The following TTN variants were observed in gnomAD, a reference collection of about 807,000 sequenced individuals.
The protein encoded by TTN is titin.
Under a neutral mutation model 3,223.0 loss-of-function variants are expected in TTN, and 1,525 were observed. The observed-to-expected ratio is 0.47, with a 90% CI of 0.45 to 0.49. TTN has a LOEUF of 0.49. TTN is among the 20% of genes least tolerant of loss of function. The pLI is 0.00. For missense variants in TTN, 40,786 were observed against 43,424.0 expected (o/e 0.94, Z 5.40); for synonymous variants, 14,094 against 15,161.0 (o/e 0.93, Z 5.17).
Position 178,531,700 on chromosome 2 carries a change from T to G in TTN, c.104915A>C (p.Glu34972Ala). The G allele has an allele frequency of 6.2e-7, 1 of 1,614,000 alleles. No homozygotes were observed. Among genetic ancestry groups the G allele is most frequent in the East Asian group, 2.2e-5 (1 of 44,880 alleles). ...CACACCATTGTGGTACCATTTAACCTCGGCAGTTGGCTTAGACTGAACATT... is the reference window on the plus strand; with the variant it reads ...CACACCATTGTGGTACCATTTAACCGCGGCAGTTGGCTTAGACTGAACATT... ...ILNVQSKPTA[E>A]VKWYHNGVEL... Residue 34972 changes from glutamate (E) to alanine (A), a missense_variant, in exon 358 of 363, where the codon GAG becomes GCG. Physicochemically the swap from Glu to Ala is moderately radical, Grantham distance 107. Transcript: ENST00000589042.
rs6729746 is a variant in TTN at position 178,784,622 on chromosome 2, G to A, written c.2494-271C>T. On this transcript the variant is annotated intron_variant, in intron 15 of 362. Transcript: ENST00000589042. ...TATTTTACAGCTTTTATCATAAAAG[G>A]ACAGGATCTTCTAAAGCTTAGTCAC... Among the ~76,000 whole-genome samples, 48,774 of 151,956 alleles carry A rather than the reference G, an allele frequency of 0.32. 8,847 individuals are homozygous for A. The highest frequency in any genetic ancestry group is 0.43 in the Middle Eastern group (125 of 294).
rs779376834 is a variant in TTN, at chr2:178,544,407, A to G, written c.95822T>C (p.Ile31941Thr). ...TKPMYDGGTD[I>T]VGYVLEMQEK... ...TTGCATTTCCAGAACATATCCTACA[A>G]TGTCAGTACCACCATCGTACATGGG... The change falls in exon 345 of 363, where the codon ATT becomes ACT. Residue 31941 changes from isoleucine to threonine, a missense_variant. Coordinates refer to ENST00000589042, the MANE Select transcript of TTN (RefSeq NM_001267550.2). The G allele has an allele frequency of 2.5e-6, 4 of 1,613,580 alleles. No individual in the cohort carries two copies. The highest frequency in any genetic ancestry group is 3.4e-6 in the Non-Finnish European group (4 of 1,179,692).
intron 159 of TTN, among the ~76,000 whole-genome samples, chr2:178,668,070 T>C (rs983745566): frequency 6.6e-6 from 1 of 152,208 alleles, no homozygotes; most frequent in African/African-American, 2.4e-5. Flanking sequence ...GAATTGCACA[T>C]TGAGAATTCT....
In TTN at chr2:178,572,140, G is replaced by GT. The variant is rs1708438468; in HGVS notation, c.73991_73992insA (p.Thr24665HisfsTer9). On this transcript the variant is annotated frameshift_variant, in exon 326 of 363. Coordinates refer to ENST00000589042, the MANE Select transcript of TTN (RefSeq NM_001267550.2). LOFTEE classifies it high-confidence loss of function. The stretch of plus-strand genomic sequence containing the variant: ...CAGTGACCTTGACTGTGGCACACGT[G>GT]GCCCATTTGTCACTGCCTTTGGTCT... 1 of 1,613,206 alleles carries GT rather than the reference G, an allele frequency of 6.2e-7. No homozygotes were observed. Among genetic ancestry groups the GT allele is most frequent in the Non-Finnish European group, 8.5e-7 (1 of 1,179,596 alleles).
At chr2:178,764,494 T>A (rs2090005966) in intron 42 of TTN, 33 bp downstream of exon 42, 25 of 1,613,722 alleles carry the variant, frequency 1.5e-5, no homozygotes, top group Non-Finnish European at 2.1e-5. Flanking sequence ...TCTTAGGTTT[T>A]ATTTTCAGCT....
rs1169026543 is a variant in TTN at position 178,767,745 on chromosome 2, T to C, written c.9471+14A>G. The C allele has an allele frequency of 1.9e-6, 3 of 1,613,508 alleles. No individual in the cohort carries two copies. Among genetic ancestry groups the C allele is most frequent in the Admixed American group, 1.7e-5 (1 of 60,026 alleles). ...ACTGATGATTTTTCAAAACATTTAG[T>C]ATGTAGACAATACCTGAACCTCCTT... On this transcript the variant is annotated intron_variant, in intron 40 of 362. Transcript: ENST00000589042.
chr2:178,658,370 G>A lies in TTN; in HGVS notation c.37628-15C>T, dbSNP rs1560148943. ...AGCTTCAGGCACTTGAAAGATATTAGTATTTTTATAATTTATGAATGGTGA... is the reference window on the plus strand; with the variant it reads ...AGCTTCAGGCACTTGAAAGATATTAATATTTTTATAATTTATGAATGGTGA... On this transcript the variant is annotated splice_polypyrimidine_tract_variant and intron_variant, in intron 184 of 362. Transcript: ENST00000589042. The A allele has an allele frequency of 1.2e-6, 1 of 851,754 alleles. No individual in the cohort carries two copies. The highest frequency in any genetic ancestry group is 1.7e-6 in the Non-Finnish European group (1 of 589,608). 52.8% of individuals were successfully genotyped at this position (851,754 alleles called of 1,614,324 possible). A position where few individuals can be genotyped will look rare whatever the true frequency, so the allele number is the denominator to read the frequency against.
chr2:178,745,667 T>C (rs762829152), intron 47 of TTN: 1 of 1,612,052 alleles, frequency 6.2e-7, no homozygotes, highest in South Asian at 1.1e-5. Context: ...TTCATCACTC[T>C]TTACTAAGCT....
chr2:178,624,566 C>T lies in TTN; in HGVS notation c.44714G>A (p.Arg14905Lys). ...GTCATGTATAACAAGTTTTCTGACC[C>T]TGCCATCAGCAACAATTTCATACTT... ...SKKYEIVADGRVRKLVIHDCT... is the reference protein window; with the variant it reads ...SKKYEIVADGKVRKLVIHDCT... The change falls in exon 242 of 363, where the codon AGG (arginine) becomes AAG (lysine). Residue 14905 changes from arginine to lysine, a missense_variant. Transcript: ENST00000589042. 6.2e-7 allele frequency: 1 copy of T among 1,612,770 alleles called. No individual in the cohort carries two copies. Among genetic ancestry groups the T allele is most frequent in the Non-Finnish European group, 8.5e-7 (1 of 1,179,204 alleles).
chr2:178,633,153 C>A (rs751006474), intron 233 of TTN, 34 bp downstream of exon 233: 2 of 1,604,568 alleles, frequency 1.2e-6, no homozygotes, highest in South Asian at 2.2e-5. Flanking sequence ...ACCAAGCAAC[C>A]CCTCTCCTAT....
Position 178,535,107 on chromosome 2 carries a change from A to C in TTN, c.101508T>G (p.Cys33836Trp). The change falls in exon 358 of 363, where the codon TGT (cysteine) becomes TGG (tryptophan). Residue 33836 changes from cysteine to tryptophan, a missense_variant. By Grantham distance (215) the Cys-to-Trp change is radical. Transcript: ENST00000589042. ...GRGEFGIVHR[C>W]VETSSKKTYM... ...ATGTCTTCTTTGAGGATGTTTCAACACAACGATGGACAATTCCAAACTCAC... is the reference window on the plus strand; with the variant it reads ...ATGTCTTCTTTGAGGATGTTTCAACCCAACGATGGACAATTCCAAACTCAC... 1 of 1,613,884 alleles carries C rather than the reference A, an allele frequency of 6.2e-7. No individual in the cohort carries two copies. The highest frequency in any genetic ancestry group is 1.1e-5 in the South Asian group (1 of 91,086).
At chr2:178,701,036 G>T in intron 111 of TTN, 84 bp downstream of exon 111, 1 of 1,259,254 alleles carries the variant, frequency 7.9e-7, no homozygotes, top group Non-Finnish European at 1.1e-6. Flanking sequence ...CCACTAGAGG[G>T]CCAATGCGTT....
intron 142 of TTN, 24 bp downstream of exon 142, chr2:178,679,315 C>T (rs1365379368): frequency 3.2e-5 from 51 of 1,610,064 alleles, no homozygotes; most frequent in Admixed American, 1.0e-4. Context: ...CATGCTATTC[C>T]ACTGATGGAT....
chr2:178,633,161 T>C (rs754207649), intron 233 of TTN, 26 bp downstream of exon 233: 3 of 1,607,488 alleles, frequency 1.9e-6, no homozygotes. Context: ...ACCCCTCTCC[T>C]ATATAATTAG....
chr2:178,733,889 G>A lies in TTN; in HGVS notation c.15500C>T (p.Pro5167Leu), dbSNP rs730880237. The change falls in exon 53 of 363, where the codon CCT (proline) becomes CTT (leucine). Residue 5167 changes from proline (P) to leucine (L), a missense_variant. By Grantham distance (98) the Pro-to-Leu change is moderately conservative. Transcript: ENST00000589042. ...GCMATHLLKE[P>L]PTFVKKVDDL... ...ATCTACTTTCTTTACAAAGGTTGGA[G>A]GTTCTAGTTAAGGAAAGAGAGCATA... 6.9e-6 allele frequency: 11 copies of A among 1,587,308 alleles called. No homozygotes were observed. In the African/African-American group the frequency reaches 1.4e-4, roughly 20 times the overall value.
chr2:178,595,432 CAT>C (rs2051292804), intron 295 of TTN, 73 bp downstream of exon 295: 1 of 1,378,394 alleles, frequency 7.3e-7, no homozygotes, highest in African/African-American at 1.5e-5. Flanking sequence ...CATTTATACA[CAT>C]ATTTTTTCAC....
Position 178,548,034 on chromosome 2 carries a change from T to C in TTN, c.93592A>G (p.Arg31198Gly), listed in dbSNP as rs751148256. Residue 31198 changes from arginine (R) to glycine (G), a missense_variant, in exon 339 of 363, where the codon AGA becomes GGA. Coordinates refer to ENST00000589042, the MANE Select transcript of TTN (RefSeq NM_001267550.2). This position sits in a 1 kb window ranked among gnomAD's most constrained non-coding sequence, Gnocchi z 4.3. ...AKNDAGYSEP[R>G]EAFSSVIIKE... ...ATGATGACAGAAGAGAAGGCTTCTCTGGGTTCACTATAGCCAGCATCATTC... is the reference window on the plus strand; with the variant it reads ...ATGATGACAGAAGAGAAGGCTTCTCCGGGTTCACTATAGCCAGCATCATTC... 1.2e-6 allele frequency: 2 copies of C among 1,613,858 alleles called. No homozygotes were observed. Among genetic ancestry groups the C allele is most frequent in the Admixed American group, 3.3e-5 (2 of 59,994 alleles).
rs1559469421 is a variant in TTN, at chr2:178,577,230, T to TA, written c.69104dup (p.Thr23036AsnfsTer4). 1 of 1,613,044 alleles carries TA rather than the reference T, an allele frequency of 6.2e-7. No individual in the cohort carries two copies. The highest frequency in any genetic ancestry group is 8.5e-7 in the Non-Finnish European group (1 of 1,179,498). Reference sequence around the variant, plus strand: ...GGGGACCAGGTACATCAAGGACTGTTACCTTCACATGTTCCACCTTCGTGC... The same window carrying TA: ...GGGGACCAGGTACATCAAGGACTGTTAACCTTCACATGTTCCACCTTCGTGC... On this transcript the variant is annotated frameshift_variant, in exon 324 of 363. Transcript: ENST00000589042. LOFTEE classifies it high-confidence loss of function.
Position 178,573,056 on chromosome 2 carries a change from A to G in TTN, c.73076T>C (p.Met24359Thr), listed in dbSNP as rs1368475411. The change falls in exon 326 of 363, where the codon ATG becomes ACG. Residue 24359 changes from methionine (M) to threonine (T), a missense_variant. Coordinates refer to ENST00000589042, the MANE Select transcript of TTN (RefSeq NM_001267550.2). ...TTCCTCTGGCAGGGCAATCTCAACC[A>G]TATACCCAGTGATTTCTGAACCACC... ...YDGGSEITGY[M>T]VEIALPEEDE... 2 of 1,613,152 alleles carry G rather than the reference A, an allele frequency of 1.2e-6. No homozygotes were observed. Among genetic ancestry groups the G allele is most frequent in the African/African-American group, 1.3e-5 (1 of 74,872 alleles).
Sources: allele counts gnomAD v4.1 joint callset (sites outside exome capture counted in the v4.1 genomes callset), GRCh38; gene constraint gnomAD v4.1.1; non-coding constraint Gnocchi (gnomAD v3.1); transcripts MANE v1.5; gene names NCBI Gene and HGNC (gene_info 2026-07-23, HGNC 2026-07-21).